PLAAT1: variants seen among roughly 807,000 people sequenced by gnomAD.
PLAAT1 encodes phospholipase A and acyltransferase 1.
PLAAT1 carries 13 observed loss-of-function variants against 16.4 expected under a neutral mutation model. The observed-to-expected ratio is 0.79, with a 90% CI of 0.52 to 1.26. PLAAT1 has a LOEUF of 1.26. PLAAT1 is among the 50% of genes most tolerant of loss of function. The pLI, the probability that PLAAT1 is intolerant of heterozygous loss-of-function variation, is 0.00. For missense variants in PLAAT1, 218 were observed against 207.8 expected (o/e 1.05, Z -0.30); for synonymous variants, 73 against 78.4 (o/e 0.93, Z 0.36).
downstream of PLAAT1, among the ~76,000 whole-genome samples, chr3:193,272,700 A>AGAAG (rs1390148656): frequency 6.6e-6 from 1 of 152,234 alleles, no homozygotes; most frequent in East Asian, 1.9e-4. Context: ...TCTCCACTCC[A>AGAAG]GAAGACAGTC....
chr3:193,277,318 A>G (rs1204295138), intron 2 of PLAAT1, among the ~76,000 whole-genome samples: 1 of 152,198 alleles, frequency 6.6e-6, no homozygotes, highest in Non-Finnish European at 1.5e-5. Context: ...CTGATGGGTT[A>G]ATGAAAGTTG....
At chr3:193,258,496 G>A (rs1716461500) in intron 2 of PLAAT1, among the ~76,000 whole-genome samples, 1 of 135,588 alleles carries the variant, frequency 7.4e-6, no homozygotes, top group African/African-American at 2.8e-5. Context: ...ATAAATGATT[G>A]ATAGATTGCT....
downstream of PLAAT1, among the ~76,000 whole-genome samples, chr3:193,273,745 T>C (rs556155786): frequency 1.3e-5 from 2 of 152,314 alleles, no homozygotes; most frequent in Admixed American, 1.3e-4. Context: ...AAGGTAATAG[T>C]GTACAGAATA....
intron 2 of PLAAT1, among the ~76,000 whole-genome samples, chr3:193,260,005 G>C (rs562337232): frequency 3.9e-5 from 6 of 152,194 alleles, no homozygotes; most frequent in Middle Eastern, 3.4e-3. Context: ...TACAAAAACA[G>C]ACACACAGAC....
chr3:193,243,028 A>G (rs1577295973), intron 1 of PLAAT1, among the ~76,000 whole-genome samples: 1 of 152,140 alleles, frequency 6.6e-6, no homozygotes, highest in South Asian at 2.1e-4. Flanking sequence ...ACATTTATTT[A>G]TTTTGATGCA....
At chr3:193,269,533 G>A (rs1335118217) in intron 3 of PLAAT1, among the ~76,000 whole-genome samples, 1 of 152,164 alleles carries the variant, frequency 6.6e-6, no homozygotes, top group South Asian at 2.1e-4. Flanking sequence ...AGTAATACGT[G>A]GGTGGCAGGT....
intron 2 of PLAAT1, chr3:193,276,927 C>G (rs1377086779): frequency 2.2e-6 from 2 of 921,368 alleles, no homozygotes; most frequent in Non-Finnish European, 1.7e-6. Context: ...TAATAACTCT[C>G]TGAGCTTAGT....
chr3:193,273,817 A>G (rs1717065579), downstream of PLAAT1, among the ~76,000 whole-genome samples: 1 of 152,220 alleles, frequency 6.6e-6, no homozygotes, highest in Non-Finnish European at 1.5e-5. Flanking sequence ...GATGATTTAG[A>G]TAATTAAAAG....
In PLAAT1 at chr3:193,241,312, G is replaced by T; in HGVS notation, c.-222G>T. ...GCGGGCGTCTCAGAGCCGCGGAGGG[G>T]CCGCCGGGACCGTTTCAGCGTGGCG... is the stretch of plus-strand genomic sequence containing the variant. On this transcript the variant is annotated 5_prime_UTR_variant, in exon 1 of 4. Transcript: ENST00000264735. 1 of 1,231,128 alleles carries T rather than the reference G, an allele frequency of 8.1e-7. No homozygotes were observed. The highest frequency in any genetic ancestry group is 1.0e-6 in the Non-Finnish European group (1 of 987,574). The allele number at this position is 1,231,128 out of a possible 1,614,324, so 76.3% of individuals were successfully genotyped here. A position where few individuals can be genotyped will look rare whatever the true frequency, so the allele number is the denominator to read the frequency against.
chr3:193,279,261 AT>A, downstream of PLAAT1: 1 of 882,098 alleles, frequency 1.1e-6, no homozygotes, highest in Non-Finnish European at 1.8e-6. Context: ...GCCTCACAGT[AT>A]TTGGTGGTCA....
chr3:193,275,427 C>G, downstream of PLAAT1: 1 of 1,085,874 alleles, frequency 9.2e-7, no homozygotes, highest in African/African-American at 1.6e-5. Context: ...GCTGTTGCAT[C>G]TACCTCTCCT....
At chr3:193,261,907 T>G (rs1716596999) in intron 2 of PLAAT1, among the ~76,000 whole-genome samples, 1 of 152,202 alleles carries the variant, frequency 6.6e-6, no homozygotes, top group African/African-American at 2.4e-5. Context: ...GTGTGAGAAC[T>G]TGCAATGTGT....
intron 1 of PLAAT1, among the ~76,000 whole-genome samples, chr3:193,244,238 A>C (rs1371291238): frequency 6.6e-6 from 1 of 152,046 alleles, no homozygotes. Context: ...CATTGTCTTT[A>C]TTCTCAGGGG....
At chr3:193,275,060 A>G (rs769598623), downstream of PLAAT1, 2 of 1,614,210 alleles carry the variant, frequency 1.2e-6, no homozygotes, top group Non-Finnish European at 8.5e-7. Flanking sequence ...TGGCCCAGAA[A>G]TGCTGTTCTG....
At chr3:193,246,257 G>T (rs538345773) in intron 1 of PLAAT1, among the ~76,000 whole-genome samples, 4 of 152,238 alleles carry the variant, frequency 2.6e-5, no homozygotes, top group Non-Finnish European at 4.4e-5. Context: ...GAGTTTTGTA[G>T]CGTGAATGGG....
chr3:193,274,705 C>T (rs551616837), downstream of PLAAT1: 109 of 242,888 alleles, frequency 4.5e-4, no homozygotes, highest in South Asian at 7.3e-4. Context: ...CCAAATGTTG[C>T]CTCAATTTTT....
At chr3:193,275,120 T>C, downstream of PLAAT1, 1 of 1,614,222 alleles carries the variant, frequency 6.2e-7, no homozygotes, top group South Asian at 1.1e-5. Context: ...GTTCATGGCT[T>C]TCATAGCCTC....
chr3:193,267,974 T>A (rs1417335596), intron 3 of PLAAT1, among the ~76,000 whole-genome samples: 1 of 152,232 alleles, frequency 6.6e-6, no homozygotes, highest in Non-Finnish European at 1.5e-5. Flanking sequence ...TATGCTTCTT[T>A]GCATATCATC....
At chr3:193,264,038 T>G (rs1257513041) in intron 3 of PLAAT1, among the ~76,000 whole-genome samples, 2 of 152,204 alleles carry the variant, frequency 1.3e-5, no homozygotes, top group Non-Finnish European at 2.9e-5. Context: ...TATTAAAATA[T>G]GAAAAATAAT....
Sources: allele counts gnomAD v4.1 joint callset (sites outside exome capture counted in the v4.1 genomes callset), GRCh38; gene constraint gnomAD v4.1.1; transcripts MANE v1.5; gene names NCBI Gene and HGNC (gene_info 2026-07-23, HGNC 2026-07-21).